The following ADGRA3 variants were observed in gnomAD, a reference collection of about 807,000 sequenced individuals.
The protein encoded by ADGRA3 is adhesion G protein-coupled receptor A3.
Under a neutral mutation model 119.8 loss-of-function variants are expected in ADGRA3, and 56 were observed. The observed-to-expected ratio is 0.47, with a 90% confidence interval of 0.38 to 0.58. The LOEUF is 0.58. Among genes scored for constraint, ADGRA3 ranks in the 20% least tolerant of loss-of-function variants. The pLI is 0.00. For missense variants in ADGRA3, 1,516 were observed against 1,649.0 expected (o/e 0.92, Z 1.40); for synonymous variants, 607 against 623.8 (o/e 0.97, Z 0.40).
intron 10 of ADGRA3, among the ~76,000 whole-genome samples, chr4:22,432,286 T>C (rs542335137): frequency 6.6e-6 from 1 of 152,010 alleles, no homozygotes; most frequent in Non-Finnish European, 1.5e-5. Context: ...AAATGGCAAC[T>C]GGGAATGGCA....
intron 8 of ADGRA3, 102 bp downstream of exon 8, chr4:22,438,154 C>T: frequency 3.4e-6 from 3 of 871,754 alleles, no homozygotes; most frequent in Non-Finnish European, 5.4e-6. Context: ...ATGTGCAGTT[C>T]TCAAATTTTG....
At chr4:22,485,621 G>C (rs1424554348) in intron 1 of ADGRA3, among the ~76,000 whole-genome samples, 3 of 152,160 alleles carry the variant, frequency 2.0e-5, no homozygotes, top group African/African-American at 7.2e-5. Flanking sequence ...TGTGGGGCTA[G>C]AACGCTCACT....
At chr4:22,398,343 A>T (rs897728761) in intron 16 of ADGRA3, among the ~76,000 whole-genome samples, 1 of 152,212 alleles carries the variant, frequency 6.6e-6, no homozygotes, top group African/African-American at 2.4e-5. Flanking sequence ...ATCATAAGCC[A>T]CAGTATCATC....
At chr4:22,427,498 G>C (rs73112132) in intron 10 of ADGRA3, among the ~76,000 whole-genome samples, 5,094 of 152,002 alleles carry the variant, frequency 0.034, 285 homozygotes, top group African/African-American at 0.12. Context: ...AGAAGGTACA[G>C]GACGAACAAC....
chr4:22,408,551 C>A, intron 14 of ADGRA3, among the ~76,000 whole-genome samples: 1 of 152,122 alleles, frequency 6.6e-6, no homozygotes. Flanking sequence ...AAGTGCTCAA[C>A]ATCAATAGTC....
intron 2 of ADGRA3, among the ~76,000 whole-genome samples, chr4:22,463,543 C>T (rs1560330232): frequency 1.3e-5 from 2 of 152,200 alleles, no homozygotes; most frequent in South Asian, 4.1e-4. Context: ...TCTACCTATG[C>T]TCCAAGGAAG....
intron 2 of ADGRA3, among the ~76,000 whole-genome samples, chr4:22,464,200 G>T (rs12503615): frequency 7.2e-5 from 11 of 152,118 alleles, no homozygotes; most frequent in African/African-American, 2.7e-4. Flanking sequence ...CCATCACTGG[G>T]TAGGTATTTC....
intron 1 of ADGRA3, among the ~76,000 whole-genome samples, chr4:22,486,605 T>C (rs559128248): frequency 6.6e-6 from 1 of 152,162 alleles, no homozygotes; most frequent in Non-Finnish European, 1.5e-5. Context: ...GGGAGGCAGA[T>C]GCAGGGGAAC....
At chr4:22,495,085 TCTCA>T (rs139630523) in intron 1 of ADGRA3, among the ~76,000 whole-genome samples, 1,624 of 152,136 alleles carry the variant, frequency 0.011, 21 homozygotes, top group Non-Finnish European at 0.018. Context: ...TTTCTCTCTC[TCTCA>T]AAATATCCTA....
intron 1 of ADGRA3, among the ~76,000 whole-genome samples, chr4:22,511,293 AC>A (rs140978378): frequency 0.13 from 19,658 of 152,134 alleles, 1,530 homozygotes; most frequent in East Asian, 0.35. Flanking sequence ...TATATTTTCA[AC>A]AAAAACACTA....
At position 22,388,570 on chromosome 4, in the gene ADGRA3, G is replaced by A. The variant is rs950238474; in HGVS notation, c.3101C>T (p.Thr1034Ile). The change falls in exon 19 of 19, where the codon ACA becomes ATA. Residue 1034 changes from threonine to isoleucine, a missense_variant. By Grantham distance (89) the Thr-to-Ile change is moderately conservative. Around this residue, in one of 2 missense-constraint regions of ADGRA3, gnomAD observed 1,088 missense variants for 1,107.1 expected, o/e 0.98. Transcript: ENST00000334304. ...GAAGAACGCACTGAAGCTTAAACTT[G>A]TGGCTCCAAAAACGAAGCTAAAAAC... ...DLVFSFVFGA[T>I]SLSFSAFFVV... The A allele has an allele frequency of 2.5e-6, 4 of 1,613,924 alleles. No individual in the cohort carries two copies. The highest frequency in any genetic ancestry group is 2.7e-5 in the African/African-American group (2 of 74,870).
At chr4:22,482,017 GGTTA>G (rs1187379456) in intron 1 of ADGRA3, among the ~76,000 whole-genome samples, 2 of 152,080 alleles carry the variant, frequency 1.3e-5, no homozygotes, top group Non-Finnish European at 2.9e-5. Context: ...TCATAAGCAT[GGTTA>G]GTTACTTGGT....
intron 1 of ADGRA3, among the ~76,000 whole-genome samples, chr4:22,475,699 C>A (rs957005317): frequency 6.6e-6 from 1 of 151,592 alleles, no homozygotes; most frequent in Non-Finnish European, 1.5e-5. Flanking sequence ...TGCACTCCAG[C>A]CTGGGCAACA....
chr4:22,513,890 A>G (rs1054344279), intron 1 of ADGRA3, among the ~76,000 whole-genome samples: 1 of 150,536 alleles, frequency 6.6e-6, no homozygotes, highest in African/African-American at 2.4e-5. Flanking sequence ...TTGAAATGAC[A>G]TTTCATAGTT....
intron 2 of ADGRA3, among the ~76,000 whole-genome samples, chr4:22,464,852 T>C (rs796240635): frequency 5.3e-5 from 8 of 152,350 alleles, no homozygotes; most frequent in African/African-American, 1.9e-4. Flanking sequence ...GGGAAGACAC[T>C]GCCCTAACGG....
chr4:22,508,807 C>T (rs987690664), intron 1 of ADGRA3, among the ~76,000 whole-genome samples: 12 of 152,180 alleles, frequency 7.9e-5, no homozygotes, highest in African/African-American at 2.7e-4. Flanking sequence ...AAGATCCTCC[C>T]TGCTGACTTT....
chr4:22,512,080 T>C (rs1359607255), intron 1 of ADGRA3, among the ~76,000 whole-genome samples: 1 of 151,938 alleles, frequency 6.6e-6, no homozygotes, highest in Admixed American at 6.6e-5. Flanking sequence ...TCTGTATTTT[T>C]AGTAGAGATG....
In ADGRA3 at chr4:22,388,803, C is replaced by A. The variant is rs746486023; in HGVS notation, c.2868G>T (p.Thr956=). 11 of 1,614,064 alleles carry A rather than the reference C, an allele frequency of 6.8e-6. No homozygotes were observed. The highest frequency in any genetic ancestry group is 9.3e-6 in the Non-Finnish European group (11 of 1,179,978). ...PERKYELKEP[T]EEQQRLAANE... is the part of the protein sequence containing the mutation. ...TGGCTGCCAATCTCTGTTGCTCCTC[C>A]GTGGGCTCCTTAAGCTCATATTTGC... The change falls in exon 19 of 19, where the codon ACG becomes ACT. Residue 956 remains threonine (T), a synonymous_variant. Coordinates refer to ENST00000334304, the MANE Select transcript of ADGRA3 (RefSeq NM_145290.4).
At position 22,409,273 on chromosome 4, in the gene ADGRA3, A is replaced by G. The variant is rs190345187; in HGVS notation, c.2232+3909T>C. 1.0e-3 allele frequency among the ~76,000 whole-genome samples: 155 copies of G among 152,324 alleles called. 1 individual carries two copies. Among genetic ancestry groups the G allele is most frequent in the African/African-American group, 3.6e-3 (151 of 41,572 alleles). On this transcript the variant is annotated intron_variant, in intron 14 of 18. Coordinates refer to ENST00000334304, the MANE Select transcript of ADGRA3 (RefSeq NM_145290.4). ...CCACTTTGGAGAATTTGTCTCACAG[A>G]TGCTCAATTAAATGTGCAAAATGAC...
Sources: allele counts gnomAD v4.1 joint callset (sites outside exome capture counted in the v4.1 genomes callset), GRCh38; gene constraint gnomAD v4.1.1; regional missense constraint gnomAD v4.1.1; transcripts MANE v1.5; gene names NCBI Gene and HGNC (gene_info 2026-07-23, HGNC 2026-07-21).